Variants in RNF169 observed in about 807,000 individuals in gnomAD.
The protein encoded by RNF169 is E3 ubiquitin-protein ligase RNF169.
A neutral mutation model predicts 53.9 loss-of-function variants in RNF169; 24 were observed. That is an observed-to-expected ratio of 0.45 (90% CI 0.32 to 0.63). RNF169 has a LOEUF of 0.63. Ranked by LOEUF, RNF169 falls within the 20% of genes least tolerant of loss-of-function variation. The probability of loss-of-function intolerance (pLI) is 0.04; values close to 1 mark genes in which losing one functional copy is unlikely to be tolerated. For missense variants in RNF169, 883 were observed against 906.2 expected (o/e 0.97, Z 0.33); for synonymous variants, 396 against 363.5 (o/e 1.09, Z -1.02).
intron 2 of RNF169, among the ~76,000 whole-genome samples, chr11:74,793,394 A>C (rs2035606104): frequency 6.6e-6 from 1 of 152,270 alleles, no homozygotes. Flanking sequence ...ATATGCTACT[A>C]ATATACTTTT....
intron 1 of RNF169, among the ~76,000 whole-genome samples, chr11:74,770,003 G>T (rs1281587114): frequency 5.9e-5 from 9 of 152,140 alleles, no homozygotes; most frequent in Non-Finnish European, 1.0e-4. Flanking sequence ...TGTTGCCCAG[G>T]TTGGTCTTGA....
intron 1 of RNF169, among the ~76,000 whole-genome samples, chr11:74,771,054 C>G (rs1055388024): frequency 6.6e-6 from 1 of 152,052 alleles, no homozygotes; most frequent in East Asian, 1.9e-4. Flanking sequence ...TGATCCCCCC[C>G]GCCTCGACCT....
At position 74,836,570 on chromosome 11, in the gene RNF169, T is replaced by C. The variant is rs1204076137; in HGVS notation, c.1967T>C (p.Leu656Pro). The C allele has an allele frequency of 1.9e-6, 3 of 1,613,966 alleles. No homozygotes were observed. The highest frequency in any genetic ancestry group is 2.5e-6 in the Non-Finnish European group (3 of 1,180,030). The stretch of plus-strand genomic sequence containing the variant: ...GGTCTGGCCCCAACAGACCCAGTCC[T>C]GCGAGAGATGGAGCAGAAGCTTCAG... ...EVGLAPTDPV[L>P]REMEQKLQQE... The change falls in exon 6 of 6, where the codon CTG (leucine) becomes CCG (proline). Residue 656 changes from leucine (L) to proline (P), a missense_variant. By Grantham distance (98) the Leu-to-Pro change is moderately conservative. This residue lies in a region of RNF169 where 351 missense variants were observed against 337.3 expected (regional missense o/e 1.04). Transcript: ENST00000299563.
chr11:74,789,709 TATC>T lies in RNF169; in HGVS notation c.576+13_576+15del. 6.6e-7 allele frequency: 1 copy of T among 1,520,044 alleles called. No homozygotes were observed. The allele number at this position is 1,520,044 out of a possible 1,614,324, so 94.2% of individuals were successfully genotyped here. On this transcript the variant is annotated intron_variant, in intron 2 of 5. Coordinates refer to ENST00000299563, the MANE Select transcript of RNF169 (RefSeq NM_001098638.2). ...TGAAAGCTTGAGAAAGGTATAGTAT[TATC>T]ATGTCATTCATTTTCTTAAAGTAGA...
intron 5 of RNF169, 31 bp from the exon 6 acceptor site, chr11:74,835,515 A>G: frequency 6.6e-7 from 1 of 1,522,388 alleles, no homozygotes; most frequent in Non-Finnish European, 9.1e-7. Flanking sequence ...GTATGTGTGT[A>G]TGAAGGCATA....
intron 2 of RNF169, among the ~76,000 whole-genome samples, chr11:74,808,765 A>G (rs182229838): frequency 6.6e-6 from 1 of 152,154 alleles, no homozygotes; most frequent in Non-Finnish European, 1.5e-5. Flanking sequence ...GCCTGTAGTC[A>G]AGTTGTTGAA....
intron 4 of RNF169, among the ~76,000 whole-genome samples, chr11:74,829,748 A>G (rs1298120516): frequency 6.6e-6 from 1 of 152,226 alleles, no homozygotes; most frequent in African/African-American, 2.4e-5. Context: ...CAGGAACAGA[A>G]AACCAAACAT....
chr11:74,774,268 C>T (rs1384623661), intron 1 of RNF169, among the ~76,000 whole-genome samples: 1 of 151,724 alleles, frequency 6.6e-6, no homozygotes, highest in Non-Finnish European at 1.5e-5. Context: ...ATCGCTTGAA[C>T]CCAGGAGGTT....
intron 2 of RNF169, among the ~76,000 whole-genome samples, chr11:74,806,920 TATG>T (rs2035813412): frequency 6.6e-6 from 1 of 152,154 alleles, no homozygotes; most frequent in Non-Finnish European, 1.5e-5. Context: ...GTGTGTATAT[TATG>T]CTTTGATTTA....
intron 2 of RNF169, chr11:74,807,623 A>G (rs565866840): frequency 6.6e-6 from 1 of 152,318 alleles, no homozygotes; most frequent in African/African-American, 2.4e-5. Context: ...TTGAGTCTTA[A>G]TTTTTGTCTC....
In RNF169 at chr11:74,836,351, T is replaced by C; in HGVS notation, c.1748T>C (p.Leu583Ser). Reference sequence around the variant, plus strand: ...TCAGTGCTACCCCAAAACAGTGTTTTGGGTGGAGTCCTCAAAACAAAGCAA... The same window carrying C: ...TCAGTGCTACCCCAAAACAGTGTTTCGGGTGGAGTCCTCAAAACAAAGCAA... Reference protein sequence around the residue: ...VNSVLPQNSVLGGVLKTKQQL... With the variant: ...VNSVLPQNSVSGGVLKTKQQL... Residue 583 changes from leucine (L) to serine (S), a missense_variant, in exon 6 of 6, where the codon TTG (leucine) becomes TCG (serine). This residue lies in a region of RNF169 where 351 missense variants were observed against 337.3 expected (regional missense o/e 1.04). Coordinates refer to ENST00000299563, the MANE Select transcript of RNF169 (RefSeq NM_001098638.2). 1.2e-6 allele frequency: 2 copies of C among 1,614,142 alleles called. No individual in the cohort carries two copies. The highest frequency in any genetic ancestry group is 1.7e-6 in the Non-Finnish European group (2 of 1,180,004).
chr11:74,805,842 C>T (rs2035795854), intron 2 of RNF169, among the ~76,000 whole-genome samples: 1 of 151,862 alleles, frequency 6.6e-6, no homozygotes, highest in Non-Finnish European at 1.5e-5. Flanking sequence ...GCAAAATCTG[C>T]AGATACAGAG....
Position 74,836,233 on chromosome 11 carries a change from G to A in RNF169, c.1630G>A (p.Glu544Lys), listed in dbSNP as rs202125673. The A allele has an allele frequency of 4.6e-4, 737 of 1,614,064 alleles. 1 individual carries two copies. The highest frequency in any genetic ancestry group is 5.9e-4 in the Non-Finnish European group (700 of 1,180,030). The change falls in exon 6 of 6, where the codon GAG (glutamate) becomes AAG (lysine). Residue 544 changes from glutamate to lysine, a missense_variant. Glu to Lys is a moderately conservative substitution (Grantham distance 56). This residue lies in a region of RNF169 where 351 missense variants were observed against 337.3 expected (regional missense o/e 1.04). Transcript: ENST00000299563. ...AGGGGGAGGCAGTGGGACTTCTTTG[G>A]AGAGGGAGCAGTTTGAGGGGTTAGG... ...LKGGGSGTSL[E>K]REQFEGLGST...
chr11:74,753,121 A>G (rs2034927486), intron 1 of RNF169, among the ~76,000 whole-genome samples: 1 of 152,116 alleles, frequency 6.6e-6, no homozygotes, highest in Admixed American at 6.6e-5. Flanking sequence ...GGTGTGCGCC[A>G]CCACGCCCGG....
intron 4 of RNF169, among the ~76,000 whole-genome samples, chr11:74,821,695 G>A (rs1175322430): frequency 6.6e-6 from 1 of 151,374 alleles, no homozygotes; most frequent in Non-Finnish European, 1.5e-5. Context: ...ATACAAGTGC[G>A]GGTCCAGAAT....
chr11:74,773,995 G>A (rs765878937), intron 1 of RNF169, among the ~76,000 whole-genome samples: 4 of 152,172 alleles, frequency 2.6e-5, no homozygotes, highest in Non-Finnish European at 5.9e-5. Context: ...CACTCTGCCA[G>A]GTGCTAGGGA....
At chr11:74,831,564 T>C (rs963511982) in intron 4 of RNF169, 50 of 152,258 alleles carry the variant, frequency 3.3e-4, no homozygotes, top group African/African-American at 1.2e-3. Context: ...ATGGCAATAC[T>C]CTTGAAGTCG....
intron 1 of RNF169, among the ~76,000 whole-genome samples, chr11:74,777,489 A>G (rs1228495927): frequency 6.6e-6 from 1 of 152,074 alleles, no homozygotes; most frequent in African/African-American, 2.4e-5. Context: ...GACCTCCTTT[A>G]TCATGTGCCT....
rs1190322462 is a variant in RNF169 at position 74,789,675 on chromosome 11, T to G, written c.552T>G (p.Arg184=). ...PIKLSKPGEL[R]EEYESLRKLR... The stretch of plus-strand genomic sequence containing the variant: ...AATTAAGCAAGCCTGGGGAACTTCG[T>G]GAGGAATATGAAAGCTTGAGAAAGG... Residue 184 remains arginine, a synonymous_variant, in exon 2 of 6, where the codon CGT becomes CGG. Transcript: ENST00000299563. The G allele has an allele frequency of 6.2e-7, 1 of 1,605,390 alleles. No individual in the cohort carries two copies. The highest frequency in any genetic ancestry group is 1.7e-5 in the Admixed American group (1 of 59,972).
Sources: allele counts gnomAD v4.1 joint callset (sites outside exome capture counted in the v4.1 genomes callset), GRCh38; gene constraint gnomAD v4.1.1; regional missense constraint gnomAD v4.1.1; transcripts MANE v1.5; gene names NCBI Gene and HGNC (gene_info 2026-07-23, HGNC 2026-07-21).